ZNF423: variants seen among roughly 807,000 people sequenced by gnomAD.
ZNF423 encodes the protein Ebf-associated zinc finger protein.
In ZNF423, 12 loss-of-function variants were observed where a neutral mutation model predicts 95.8. The observed-to-expected ratio is 0.13, with a 90% CI of 0.08 to 0.20. ZNF423 has a LOEUF of 0.20. Ranked by LOEUF, ZNF423 falls within the 10% of genes least tolerant of loss-of-function variation. ZNF423 has a pLI of 1.00. For missense variants in ZNF423, 1,316 were observed against 1,737.1 expected (o/e 0.76, Z 4.31); for synonymous variants, 749 against 711.9 (o/e 1.05, Z -0.83).
intron 1 of ZNF423, among the ~76,000 whole-genome samples, chr16:49,814,284 G>A (rs1221567961): frequency 6.6e-6 from 1 of 152,058 alleles, no homozygotes; most frequent in Non-Finnish European, 1.5e-5. Context: ...GGCTCTGGGG[G>A]GTGGGGGGAT....
At chr16:49,735,976 G>C (rs2033277747) in intron 2 of ZNF423, among the ~76,000 whole-genome samples, 1 of 152,156 alleles carries the variant, frequency 6.6e-6, no homozygotes, top group Non-Finnish European at 1.5e-5. Flanking sequence ...CGTAGCAATG[G>C]ATAGCCGACC....
At chr16:49,520,696 A>C (rs1968361390) in intron 7 of ZNF423, among the ~76,000 whole-genome samples, 1 of 152,058 alleles carries the variant, frequency 6.6e-6, no homozygotes, top group South Asian at 2.1e-4. Flanking sequence ...TGCCCCACCC[A>C]AACCCCCAGC....
chr16:49,784,102 T>A (rs995263296), intron 2 of ZNF423, among the ~76,000 whole-genome samples: 6 of 152,160 alleles, frequency 3.9e-5, no homozygotes, highest in Non-Finnish European at 5.9e-5. Flanking sequence ...AAAAGTGGAA[T>A]CCTCATGAGC....
chr16:49,601,346 G>T (rs919691498), intron 5 of ZNF423, among the ~76,000 whole-genome samples: 2 of 152,166 alleles, frequency 1.3e-5, no homozygotes, highest in African/African-American at 4.8e-5. Context: ...AGAGAATAGG[G>T]GTATCCCTTT....
At chr16:49,822,028 G>A (rs368752333) in intron 1 of ZNF423, among the ~76,000 whole-genome samples, 18 of 152,276 alleles carry the variant, frequency 1.2e-4, no homozygotes, top group Non-Finnish European at 2.4e-4. Context: ...TGGGAAAGCC[G>A]AAGATGAGTA....
chr16:49,605,706 G>A (rs1971517711), intron 5 of ZNF423, among the ~76,000 whole-genome samples: 1 of 152,172 alleles, frequency 6.6e-6, no homozygotes, highest in Admixed American at 6.5e-5. Context: ...CTTCCTGCAT[G>A]TGCCTCACTT....
rs74499762 is a variant in ZNF423, at chr16:49,809,816, G to A, written c.41-20270C>T. Among the ~76,000 whole-genome samples the A allele has an allele frequency of 7.0e-4, 106 of 152,292 alleles. No individual in the cohort carries two copies. The East Asian group carries it at 0.016, about 23-fold the overall frequency. On this transcript the variant is annotated intron_variant, in intron 1 of 7. Transcript: ENST00000563137. ...CTGAGACTGGAAACAAAGACACCAG[G>A]GGGTCTGGGGCTGGAGGGTCCACCC...
chr16:49,824,422 C>T (rs980954138), intron 1 of ZNF423, among the ~76,000 whole-genome samples: 1 of 152,172 alleles, frequency 6.6e-6, no homozygotes, highest in Non-Finnish European at 1.5e-5. Context: ...CAAAGCACTT[C>T]CACCCTGCTT....
At chr16:49,528,122 G>A (rs1040643074) in intron 5 of ZNF423, among the ~76,000 whole-genome samples, 1 of 152,120 alleles carries the variant, frequency 6.6e-6, no homozygotes, top group South Asian at 2.1e-4. Flanking sequence ...AGGATTTACC[G>A]CTCTCTGCCG....
chr16:49,672,923 C>A (rs775788462), intron 3 of ZNF423, among the ~76,000 whole-genome samples: 1 of 152,218 alleles, frequency 6.6e-6, no homozygotes, highest in Non-Finnish European at 1.5e-5. Flanking sequence ...TGCCCCACCA[C>A]GCGGTGTGAT....
intron 1 of ZNF423, among the ~76,000 whole-genome samples, chr16:49,832,719 C>T (rs1238042615): frequency 6.6e-6 from 1 of 152,160 alleles, no homozygotes; most frequent in African/African-American, 2.4e-5. Context: ...CCTAAATTCC[C>T]CAGGGGCCAG....
intron 5 of ZNF423, among the ~76,000 whole-genome samples, chr16:49,585,363 T>TC (rs1275096392): frequency 6.6e-6 from 1 of 151,738 alleles, no homozygotes; most frequent in Non-Finnish European, 1.5e-5. Flanking sequence ...ACTCCCAAGG[T>TC]CCCCTCAAGT....
chr16:49,602,627 C>G (rs1000232377), intron 5 of ZNF423, among the ~76,000 whole-genome samples: 1 of 152,168 alleles, frequency 6.6e-6, no homozygotes, highest in Non-Finnish European at 1.5e-5. Context: ...GGGCTCCAGC[C>G]GCAGGCCCAG....
At chr16:49,632,441 G>A (rs1972537377) in intron 4 of ZNF423, among the ~76,000 whole-genome samples, 2 of 152,154 alleles carry the variant, frequency 1.3e-5, no homozygotes, top group African/African-American at 4.8e-5. Flanking sequence ...CCCAGAGAAT[G>A]CCGCCTTGCC....
chr16:49,681,875 C>T (rs189330537), intron 3 of ZNF423, among the ~76,000 whole-genome samples: 8 of 152,286 alleles, frequency 5.3e-5, no homozygotes, highest in Admixed American at 2.6e-4. Flanking sequence ...AAGAGATCCT[C>T]CCCTATCAGC....
chr16:49,636,462 A>G lies in ZNF423; in HGVS notation c.2714T>C (p.Met905Thr). 1 of 1,613,486 alleles carries G rather than the reference A, an allele frequency of 6.2e-7. No individual in the cohort carries two copies. Among genetic ancestry groups the G allele is most frequent in the Non-Finnish European group, 8.5e-7 (1 of 1,179,996 alleles). The change falls in exon 4 of 8, where the codon ATG becomes ACG. Residue 905 changes from methionine to threonine, a missense_variant. Met to Thr is a moderately conservative substitution (Grantham distance 81). Around this residue, in one of 6 missense-constraint regions of ZNF423, gnomAD observed 620 missense variants for 775.6 expected, o/e 0.80. Coordinates refer to ENST00000563137, the MANE Select transcript of ZNF423 (RefSeq NM_001379286.1). This position sits in a 1 kb window ranked among gnomAD's most constrained non-coding sequence, Gnocchi z 8.6. ...GCDICGAAYT[M>T]EVLLQNHRLR... ...CCGGTGATTCTGCAGCAGCACCTCC[A>G]TGGTGTAGGCCGCCCCACAGATGTC... is the stretch of plus-strand genomic sequence containing the variant.
chr16:49,627,053 C>G (rs371911985), intron 4 of ZNF423, among the ~76,000 whole-genome samples: 28 of 113,058 alleles, frequency 2.5e-4, no homozygotes, highest in African/African-American at 1.0e-3. Context: ...ACCAATAGAC[C>G]CATCCATCCA....
At chr16:49,597,721 C>G (rs188913148) in intron 5 of ZNF423, among the ~76,000 whole-genome samples, 3 of 152,238 alleles carry the variant, frequency 2.0e-5, no homozygotes, top group Non-Finnish European at 2.9e-5. Context: ...TTCTAGAGCT[C>G]TGCAGTTCTC....
intron 2 of ZNF423, among the ~76,000 whole-genome samples, chr16:49,771,007 A>G (rs1222436752): frequency 6.6e-6 from 1 of 151,936 alleles, no homozygotes; most frequent in Non-Finnish European, 1.5e-5. Context: ...GGGACGGAGG[A>G]GCAGAGAAGC....
Sources: allele counts gnomAD v4.1 joint callset (sites outside exome capture counted in the v4.1 genomes callset), GRCh38; gene constraint gnomAD v4.1.1; regional missense constraint gnomAD v4.1.1; non-coding constraint Gnocchi (gnomAD v3.1); transcripts MANE v1.5; gene names NCBI Gene and HGNC (gene_info 2026-07-23, HGNC 2026-07-21).